The following INPP4B variants were observed in gnomAD, a reference collection of about 807,000 sequenced individuals.
The protein encoded by INPP4B is inositol polyphosphate 4-phosphatase type II.
A neutral mutation model predicts 122.5 loss-of-function variants in INPP4B; 55 were observed. The observed-to-expected ratio is 0.45, with a 90% CI of 0.36 to 0.56. The LOEUF (loss-of-function observed/expected upper bound fraction) is 0.56, where lower values mean the gene tolerates loss of function less well. Among genes scored for constraint, INPP4B ranks in the 20% least tolerant of loss-of-function variants. The pLI, the probability that INPP4B is intolerant of heterozygous loss-of-function variation, is 0.00. For synonymous variants in INPP4B, 403 were observed against 388.7 expected (o/e 1.04, Z -0.43); for missense variants, 1,000 against 1,097.7 (o/e 0.91, Z 1.26).
In INPP4B at chr4:142,082,096, T is replaced by C; in HGVS notation, c.2577A>G (p.Ser859=). 1 of 1,511,440 alleles carries C rather than the reference T, an allele frequency of 6.6e-7. No individual in the cohort carries two copies. The highest frequency in any genetic ancestry group is 9.0e-7 in the Non-Finnish European group (1 of 1,108,062). The allele number at this position is 1,511,440 out of a possible 1,614,324, so 93.6% of individuals were successfully genotyped here. ...TSMSVTLEQC[S]ILRDEHQLHK... ...GTAACTGGTGCTCATCTCTCAAGAT[T>C]GAGCATTGTTCAAGTGTCACTGACA... The change falls in exon 25 of 26, where the codon TCA becomes TCG. Residue 859 remains serine (S), a synonymous_variant. Transcript: ENST00000262992.
intron 7 of INPP4B, among the ~76,000 whole-genome samples, chr4:142,318,179 G>A (rs9654254): frequency 2.6e-5 from 4 of 151,958 alleles, no homozygotes; most frequent in Admixed American, 6.6e-5. Flanking sequence ...CAAACAGTAC[G>A]TGACCCAGAG....
chr4:142,163,794 C>T (rs78533457), intron 16 of INPP4B, among the ~76,000 whole-genome samples: 4,384 of 151,666 alleles, frequency 0.029, 194 homozygotes, highest in African/African-American at 0.1. Context: ...GCAACTGGGA[C>T]GATACTAGGA....
intron 7 of INPP4B, among the ~76,000 whole-genome samples, chr4:142,398,077 A>T (rs935044494): frequency 3.3e-5 from 5 of 151,430 alleles, no homozygotes; most frequent in Admixed American, 1.3e-4. Context: ...TATGGAGATT[A>T]AAAAAAACAT....
rs536281460 is a variant in INPP4B at position 142,271,835 on chromosome 4, T to G, written c.504-1061A>C. On this transcript the variant is annotated intron_variant, in intron 9 of 25. Transcript: ENST00000262992. Reference sequence around the variant, plus strand: ...TCATTATTTTTAGCAGCATAAAAATTTTATGTTTGGCAATAATAATGAAAG... The same window carrying G: ...TCATTATTTTTAGCAGCATAAAAATGTTATGTTTGGCAATAATAATGAAAG... 3.9e-5 allele frequency among the ~76,000 whole-genome samples: 6 copies of G among 152,284 alleles called. No homozygotes were observed. The East Asian group carries it at 9.6e-4, about 24-fold the overall frequency.
At chr4:142,431,678 T>C (rs886471982) in intron 3 of INPP4B, among the ~76,000 whole-genome samples, 1 of 152,166 alleles carries the variant, frequency 6.6e-6, no homozygotes, top group African/African-American at 2.4e-5. Flanking sequence ...GCTGCTAACT[T>C]AGTATAAAAC....
At chr4:142,511,593 C>T (rs1013255941) in intron 2 of INPP4B, among the ~76,000 whole-genome samples, 5 of 152,064 alleles carry the variant, frequency 3.3e-5, no homozygotes, top group African/African-American at 7.2e-5. Flanking sequence ...TACCTTTGGT[C>T]GGGCATTAGA....
intron 5 of INPP4B, among the ~76,000 whole-genome samples, chr4:142,406,269 T>C (rs1235290567): frequency 1.3e-5 from 2 of 152,098 alleles, no homozygotes; most frequent in African/African-American, 4.8e-5. Flanking sequence ...ATGGGGGAAG[T>C]AGCCCTGGGT....
intron 7 of INPP4B, among the ~76,000 whole-genome samples, chr4:142,327,505 A>G (rs1170986326): frequency 6.6e-6 from 1 of 152,068 alleles, no homozygotes; most frequent in African/African-American, 2.4e-5. Flanking sequence ...TCCAACGAAG[A>G]GTCCTGTTTG....
intron 2 of INPP4B, among the ~76,000 whole-genome samples, chr4:142,528,187 T>C (rs1827176281): frequency 6.6e-6 from 1 of 152,102 alleles, no homozygotes; most frequent in African/African-American, 2.4e-5. Flanking sequence ...TAGTTATCTA[T>C]TGCTGTGTAA....
rs1252551273 is a variant in INPP4B at position 142,505,822 on chromosome 4, A to G, written c.-190-43096T>C. ...GTTAAAATCCTTAGCATGGCATTCA[A>G]GATCTTCAAAATCTGTCTTTCATCT... On this transcript the variant is annotated intron_variant, in intron 2 of 25. Coordinates refer to ENST00000262992, the MANE Select transcript of INPP4B (RefSeq NM_001101669.3). Among the ~76,000 whole-genome samples the G allele has an allele frequency of 2.0e-5, 3 of 152,284 alleles. No individual in the cohort carries two copies. The South Asian group carries it at 6.2e-4, about 32-fold the overall frequency.
At chr4:142,477,670 A>G (rs981404182) in intron 2 of INPP4B, among the ~76,000 whole-genome samples, 2 of 152,122 alleles carry the variant, frequency 1.3e-5, no homozygotes, top group Non-Finnish European at 2.9e-5. Context: ...CCAAACTTAA[A>G]ACCCTGGAAG....
At chr4:142,212,012 C>G (rs147609113) in intron 12 of INPP4B, among the ~76,000 whole-genome samples, 2 of 152,080 alleles carry the variant, frequency 1.3e-5, no homozygotes, top group Non-Finnish European at 2.9e-5. Flanking sequence ...AGCAAGTGGT[C>G]AAAAATGTGA....
At chr4:142,537,473 TACAC>T (rs1186434107) in intron 2 of INPP4B, among the ~76,000 whole-genome samples, 843 of 65,244 alleles carry the variant, frequency 0.013, 3 homozygotes, top group East Asian at 0.047. Flanking sequence ...GAGAGAGAGA[TACAC>T]ATACACATAC....
At chr4:142,337,977 T>C (rs1777413533) in intron 7 of INPP4B, among the ~76,000 whole-genome samples, 1 of 150,786 alleles carries the variant, frequency 6.6e-6, no homozygotes, top group Non-Finnish European at 1.5e-5. Flanking sequence ...TTCTTGAAAA[T>C]GTACCTAATA....
intron 2 of INPP4B, among the ~76,000 whole-genome samples, chr4:142,545,169 G>A (rs1181939072): frequency 6.6e-6 from 1 of 152,058 alleles, no homozygotes; most frequent in African/African-American, 2.4e-5. Context: ...ATATATCAAG[G>A]AAAATGGCAC....
intron 5 of INPP4B, among the ~76,000 whole-genome samples, chr4:142,413,717 T>A (rs998653777): frequency 6.6e-6 from 1 of 152,174 alleles, no homozygotes; most frequent in Non-Finnish European, 1.5e-5. Flanking sequence ...CACATTCATA[T>A]TTTTAACTAA....
At chr4:142,618,648 G>T (rs1423149197) in intron 2 of INPP4B, among the ~76,000 whole-genome samples, 1 of 151,882 alleles carries the variant, frequency 6.6e-6, no homozygotes, top group Non-Finnish European at 1.5e-5. Flanking sequence ...AAAAATAGAG[G>T]AAAATCTTCA....
chr4:142,142,660 C>T (rs996772157), intron 18 of INPP4B, among the ~76,000 whole-genome samples: 3 of 151,904 alleles, frequency 2.0e-5, no homozygotes, highest in African/African-American at 7.3e-5. Context: ...ATCAGAAGGA[C>T]ACAGAAATCA....
chr4:142,241,123 T>G (rs928617376), intron 11 of INPP4B, among the ~76,000 whole-genome samples: 3 of 152,210 alleles, frequency 2.0e-5, no homozygotes, highest in Non-Finnish European at 4.4e-5. Flanking sequence ...AAGTATTTAT[T>G]CATGCAGGAG....
Sources: allele counts gnomAD v4.1 joint callset (sites outside exome capture counted in the v4.1 genomes callset), GRCh38; gene constraint gnomAD v4.1.1; transcripts MANE v1.5; gene names NCBI Gene and HGNC (gene_info 2026-07-23, HGNC 2026-07-21).